Variants in SRFBP1 observed in about 807,000 individuals in gnomAD.
SRFBP1 encodes serum response factor-binding protein 1.
SRFBP1 carries 47 observed loss-of-function variants against 45.5 expected under a neutral mutation model. That is an observed-to-expected ratio of 1.03 (90% CI 0.82 to 1.32). SRFBP1 has a LOEUF of 1.32. Among genes scored for constraint, SRFBP1 ranks in the 40% most tolerant of loss-of-function variants. The pLI is 0.00. For missense variants in SRFBP1, 621 were observed against 484.6 expected, an observed-to-expected ratio of 1.28 and a Z score of -2.64; for synonymous variants, 203 against 166.3, an observed-to-expected ratio of 1.22 and a Z score of -1.70.
chr5:122,069,850 T>C, intron 2 of SRFBP1: 2 of 569,720 alleles, frequency 3.5e-6, no homozygotes, highest in Non-Finnish European at 6.6e-6. Context: ...AAGCTTCTCC[T>C]GAAAACTAAA....
At chr5:121,985,435 A>C (rs1752491351) in intron 3 of SRFBP1, among the ~76,000 whole-genome samples, 2 of 151,778 alleles carry the variant, frequency 1.3e-5, no homozygotes, top group Admixed American at 1.3e-4. Context: ...AGTCTGTGTA[A>C]AGGAAGATAG....
chr5:121,975,164 G>GT (rs1251059813), intron 2 of SRFBP1, 151 bp from the exon 3 acceptor site: 14 of 751,472 alleles, frequency 1.9e-5, no homozygotes, highest in Non-Finnish European at 2.7e-5. Flanking sequence ...TGTTTTGGGA[G>GT]TGGGGGAAAT....
chr5:122,007,880 C>G (rs980102873), intron 4 of SRFBP1, among the ~76,000 whole-genome samples: 1 of 152,146 alleles, frequency 6.6e-6, no homozygotes, highest in Non-Finnish European at 1.5e-5. Flanking sequence ...CAGGGGCAGA[C>G]TTAGTGCTGC....
downstream of SRFBP1, among the ~76,000 whole-genome samples, chr5:122,031,144 G>C (rs1326950793): frequency 2.6e-5 from 4 of 152,114 alleles, no homozygotes; most frequent in Non-Finnish European, 5.9e-5. Flanking sequence ...AAGGAAATCT[G>C]TCCAATTATT....
intron 2 of SRFBP1, chr5:122,069,827 TCTC>T: frequency 3.9e-6 from 2 of 518,100 alleles, no homozygotes; most frequent in Non-Finnish European, 7.3e-6. Flanking sequence ...GTTTATGTCT[TCTC>T]CTGAAAACTA....
chr5:122,026,386 TTG>T (rs1753480742), intron 7 of SRFBP1, among the ~76,000 whole-genome samples: 1 of 152,250 alleles, frequency 6.6e-6, no homozygotes, highest in Admixed American at 6.5e-5. Flanking sequence ...AAAAAGAACT[TTG>T]TCTTATATTC....
intron 3 of SRFBP1, among the ~76,000 whole-genome samples, chr5:121,979,977 C>T (rs1295301140): frequency 1.3e-5 from 2 of 152,090 alleles, no homozygotes; most frequent in East Asian, 3.9e-4. Context: ...GATAAGGACC[C>T]TCCTCCTAAC....
downstream of SRFBP1, chr5:122,076,841 C>T: frequency 6.6e-7 from 1 of 1,506,896 alleles, no homozygotes; most frequent in Non-Finnish European, 9.2e-7. Flanking sequence ...GGCACCAGAG[C>T]GCCCCCTGAA....
chr5:121,998,662 T>TAAA (rs11443226), intron 4 of SRFBP1, among the ~76,000 whole-genome samples: 9 of 145,954 alleles, frequency 6.2e-5, no homozygotes, highest in African/African-American at 5.0e-5. Flanking sequence ...ACTTAAAGTA[T>TAAA]AAAAAAAAAA....
intron 1 of SRFBP1, among the ~76,000 whole-genome samples, chr5:121,965,605 G>C (rs1278504344): frequency 1.3e-5 from 2 of 152,142 alleles, no homozygotes; most frequent in Non-Finnish European, 2.9e-5. Context: ...TTGTATTATA[G>C]TTTGAAGTCA....
At chr5:122,031,962 G>T (rs1753595654), downstream of SRFBP1, among the ~76,000 whole-genome samples, 1 of 151,846 alleles carries the variant, frequency 6.6e-6, no homozygotes, top group African/African-American at 2.4e-5. Flanking sequence ...TGATTGCTAG[G>T]AGCTGGGAGA....
chr5:122,001,814 G>A lies in SRFBP1; in HGVS notation c.270+7144G>A, dbSNP rs186636880. Among the ~76,000 whole-genome samples, 999 of 152,106 alleles carry A rather than the reference G, an allele frequency of 6.6e-3. 18 individuals are homozygous for A. Among genetic ancestry groups the A allele is most frequent in the African/African-American group, 0.023 (957 of 41,516 alleles). On this transcript the variant is annotated intron_variant, in intron 4 of 7. Transcript: ENST00000339397. Reference sequence around the variant, plus strand: ...CTGACCTCATGATCCACCCGCCTCGGCCTCCCAAAGTGCTGGGATTACAGG... The same window carrying A: ...CTGACCTCATGATCCACCCGCCTCGACCTCCCAAAGTGCTGGGATTACAGG...
chr5:121,962,008 G>C lies in SRFBP1; in HGVS notation c.-25G>C. The C allele has an allele frequency of 6.2e-7, 1 of 1,613,376 alleles. No homozygotes were observed. Among genetic ancestry groups the C allele is most frequent in the Non-Finnish European group, 8.5e-7 (1 of 1,179,838 alleles). ...AGAGACCGGTTCACGTGCAGGCAGC[G>C]GCGGATCATATTCCTTCATCTACCA... On this transcript the variant is annotated 5_prime_UTR_variant, in exon 1 of 8. Coordinates refer to ENST00000339397, the MANE Select transcript of SRFBP1 (RefSeq NM_152546.3).
intron 2 of SRFBP1, among the ~76,000 whole-genome samples, chr5:122,045,360 A>G (rs1413717265): frequency 6.6e-6 from 1 of 152,150 alleles, no homozygotes; most frequent in African/African-American, 2.4e-5. Context: ...TTTCATATGA[A>G]TTTTAAAATA....
At chr5:122,077,695 G>A (rs757471277), downstream of SRFBP1, 1 of 1,597,366 alleles carries the variant, frequency 6.3e-7, no homozygotes, top group Admixed American at 1.7e-5. This position sits in a 1 kb window ranked among gnomAD's most constrained non-coding sequence, Gnocchi z 4.9. Flanking sequence ...CGGCGGTGCG[G>A]TTGTCGCGGA....
intron 2 of SRFBP1, among the ~76,000 whole-genome samples, chr5:122,073,752 G>A (rs1754526544): frequency 6.6e-6 from 1 of 152,106 alleles, no homozygotes; most frequent in Non-Finnish European, 1.5e-5. Flanking sequence ...GGATCATCAA[G>A]CCATCATTTG....
At chr5:122,032,907 A>G (rs112566998), downstream of SRFBP1, among the ~76,000 whole-genome samples, 1,048 of 151,710 alleles carry the variant, frequency 6.9e-3, 38 homozygotes, top group Admixed American at 0.054. Flanking sequence ...ACAGAGGCCT[A>G]TTTTCCCATG....
chr5:122,052,138 C>T (rs1302825100), intron 2 of SRFBP1, among the ~76,000 whole-genome samples: 2 of 152,158 alleles, frequency 1.3e-5, no homozygotes, highest in East Asian at 1.9e-4. Context: ...ATGGGATTCC[C>T]TTTATAGATG....
intron 4 of SRFBP1, among the ~76,000 whole-genome samples, chr5:122,001,863 C>G (rs1240470990): frequency 6.6e-6 from 1 of 151,982 alleles, no homozygotes; most frequent in Non-Finnish European, 1.5e-5. Context: ...GCCCGGCCAT[C>G]CTTTGGTATC....
Sources: gnomAD v4.1 joint callset for allele counts (sites outside exome capture counted in the v4.1 genomes callset) on GRCh38, gnomAD v4.1.1 for gene constraint, Gnocchi (gnomAD v3.1) non-coding constraint, MANE v1.5 for transcripts, NCBI Gene and HGNC (gene_info 2026-07-23, HGNC 2026-07-21) for gene names.